RNF144A: variants seen among roughly 807,000 people sequenced by gnomAD.
RNF144A encodes E3 ubiquitin-protein ligase RNF144A.
RNF144A carries 11 observed loss-of-function variants against 38.7 expected under a neutral mutation model. The observed-to-expected ratio is 0.28, with a 90% CI of 0.18 to 0.47. RNF144A has a LOEUF of 0.47. Among genes scored for constraint, RNF144A ranks in the 20% least tolerant of loss-of-function variants. The pLI is 0.99. For synonymous variants in RNF144A, 149 were observed against 143.9 expected (o/e 1.04, Z -0.25); for missense variants, 316 against 377.2 (o/e 0.84, Z 1.34).
In RNF144A at chr2:7,041,339, A is replaced by G. The variant is rs1376292178; in HGVS notation, c.*1579A>G. 1.0e-6 allele frequency: 1 copy of G among 985,614 alleles called. No individual in the cohort carries two copies. Among genetic ancestry groups the G allele is most frequent in the Non-Finnish European group, 1.2e-6 (1 of 829,844 alleles). The allele number at this position is 985,614 out of a possible 1,614,324, so 61.1% of individuals were successfully genotyped here. A position where few individuals can be genotyped will look rare whatever the true frequency, so the allele number is the denominator to read the frequency against. On this transcript the variant is annotated 3_prime_UTR_variant, in exon 9 of 9. Transcript: ENST00000320892. ...GGAAATTTATTTCTTATTTCCTAACATTGAATTCGTTAGAAAAAACAGCGT... is the reference window on the plus strand; with the variant it reads ...GGAAATTTATTTCTTATTTCCTAACGTTGAATTCGTTAGAAAAAACAGCGT...
chr2:7,053,530 T>C lies in RNF144A; in HGVS notation c.735-14686T>C, dbSNP rs1290834709. Among the ~76,000 whole-genome samples, 3 of 152,140 alleles carry C rather than the reference T, an allele frequency of 2.0e-5. No homozygotes were observed. The East Asian group carries it at 5.8e-4, about 29-fold the overall frequency. The stretch of plus-strand genomic sequence containing the variant: ...CAGAATTTATTTCATTCTGTGTGAC[T>C]GTGATCTCAATTTTTTGTTGTCATC... On this transcript the variant is annotated intron_variant, in intron 6 of 6. Coordinates refer to the RNF144A transcript ENST00000432850.
chr2:6,993,390 C>T (rs1198873369), intron 2 of RNF144A, among the ~76,000 whole-genome samples: 3 of 152,136 alleles, frequency 2.0e-5, no homozygotes, highest in Non-Finnish European at 2.9e-5. Flanking sequence ...GAAAGGAAGT[C>T]AGACAGATGG....
intron 2 of RNF144A, among the ~76,000 whole-genome samples, chr2:6,959,192 A>G (rs1667183990): frequency 6.6e-6 from 1 of 151,782 alleles, no homozygotes; most frequent in Admixed American, 6.6e-5. Flanking sequence ...CTTGTCTGCA[A>G]CTCCAGGGAG....
chr2:6,992,948 A>G (rs1445351570), intron 2 of RNF144A, among the ~76,000 whole-genome samples: 1 of 152,216 alleles, frequency 6.6e-6, no homozygotes, highest in Non-Finnish European at 1.5e-5. Context: ...TGTTCCTAAA[A>G]CAGTTTGCCA....
At chr2:7,058,338 GA>G (rs376684925) in intron 6 of RNF144A, among the ~76,000 whole-genome samples, 22,379 of 105,886 alleles carry the variant, frequency 0.21, 1,655 homozygotes, top group African/African-American at 0.22. Context: ...TGGGGGAACT[GA>G]AAAAAAAAAA....
intron 6 of RNF144A, among the ~76,000 whole-genome samples, chr2:7,053,661 G>C (rs1163571570): frequency 6.6e-6 from 1 of 152,232 alleles, no homozygotes; most frequent in Non-Finnish European, 1.5e-5. Flanking sequence ...TTTATTTCTA[G>C]TGTATGATAG....
chr2:7,007,838 G>A (rs926721148), intron 3 of RNF144A, among the ~76,000 whole-genome samples: 1 of 152,158 alleles, frequency 6.6e-6, no homozygotes, highest in Non-Finnish European at 1.5e-5. Flanking sequence ...TAGAACAAAC[G>A]GGCCGCGCTG....
intron 1 of RNF144A, among the ~76,000 whole-genome samples, chr2:6,937,468 A>G (rs1377778326): frequency 6.6e-6 from 1 of 152,192 alleles, no homozygotes; most frequent in Non-Finnish European, 1.5e-5. Context: ...GAAAGGCTTC[A>G]TTTGCCAGTG....
chr2:6,934,130 G>T (rs1410031015), intron 1 of RNF144A, among the ~76,000 whole-genome samples: 1 of 152,102 alleles, frequency 6.6e-6, no homozygotes, highest in Non-Finnish European at 1.5e-5. Flanking sequence ...GCTAAGAAAT[G>T]GATGAAAGTT....
At chr2:6,936,376 C>T (rs553661011) in intron 1 of RNF144A, among the ~76,000 whole-genome samples, 2 of 152,276 alleles carry the variant, frequency 1.3e-5, no homozygotes, top group South Asian at 4.1e-4. Context: ...CACACGTATA[C>T]ACATACATGC....
At chr2:7,014,135 C>A (rs1322577142) in intron 3 of RNF144A, among the ~76,000 whole-genome samples, 1 of 152,166 alleles carries the variant, frequency 6.6e-6, no homozygotes, top group African/African-American at 2.4e-5. Flanking sequence ...ATATTACCTC[C>A]CAGCCTCCCT....
chr2:7,009,645 G>GT, intron 3 of RNF144A, among the ~76,000 whole-genome samples: 1 of 152,082 alleles, frequency 6.6e-6, no homozygotes, highest in African/African-American at 2.4e-5. Flanking sequence ...AACATGTACT[G>GT]TGCAGCTTGC....
rs1343825097 is a variant in RNF144A, at chr2:7,040,418, T to C, written c.*658T>C. The C allele has an allele frequency of 5.1e-6, 5 of 985,358 alleles. No individual in the cohort carries two copies. Among genetic ancestry groups the C allele is most frequent in the African/African-American group, 1.7e-5 (1 of 57,232 alleles). 61.0% of individuals were successfully genotyped at this position (985,358 alleles called of 1,614,324 possible). On this transcript the variant is annotated 3_prime_UTR_variant, in exon 9 of 9. Transcript: ENST00000320892. ...TCTTGAAACTTGCTGTAGTAACTTT[T>C]TGAACGCTGTAAGCTGTGTACTGTT...
intron 7 of RNF144A, among the ~76,000 whole-genome samples, chr2:7,027,842 G>A (rs1423796702): frequency 6.6e-6 from 1 of 152,204 alleles, no homozygotes; most frequent in Non-Finnish European, 1.5e-5. Context: ...TTTCTATATT[G>A]TGAAACCATA....
intron 3 of RNF144A, among the ~76,000 whole-genome samples, chr2:6,998,623 C>T (rs1410419339): frequency 6.6e-6 from 1 of 152,084 alleles, no homozygotes; most frequent in Non-Finnish European, 1.5e-5. Context: ...AAGAAATGTG[C>T]CTCATTAAAG....
chr2:7,074,624 A>AT, the RNF144A span: 1 of 152,232 alleles, frequency 6.6e-6, no homozygotes, highest in Non-Finnish European at 1.5e-5. Context: ...GTTAAAACTC[A>AT]TATGTCTGTC....
chr2:7,070,528 C>A (rs72783761), downstream of RNF144A, among the ~76,000 whole-genome samples: 3 of 152,106 alleles, frequency 2.0e-5, no homozygotes, highest in Non-Finnish European at 4.4e-5. Flanking sequence ...TGAAGTCCCC[C>A]CTCCCAGTAC....
chr2:7,075,690 T>G, the RNF144A span, among the ~76,000 whole-genome samples: 1 of 152,130 alleles, frequency 6.6e-6, no homozygotes, highest in Non-Finnish European at 1.5e-5. Flanking sequence ...GAACTGTGAG[T>G]AAAATTACCT....
intron 3 of RNF144A, among the ~76,000 whole-genome samples, chr2:7,009,033 G>A (rs1670628775): frequency 6.6e-6 from 1 of 152,216 alleles, no homozygotes; most frequent in African/African-American, 2.4e-5. Context: ...CCGTGTGAGG[G>A]CCGCATAGGG....
Sources: allele counts gnomAD v4.1 joint callset (sites outside exome capture counted in the v4.1 genomes callset), GRCh38; gene constraint gnomAD v4.1.1; transcripts MANE v1.5; gene names NCBI Gene and HGNC (gene_info 2026-07-23, HGNC 2026-07-21).